SPAG16: variants seen among roughly 807,000 people sequenced by gnomAD.
SPAG16 encodes sperm associated antigen 16.
SPAG16 carries 86 observed loss-of-function variants against 80.4 expected under a neutral mutation model. That is an observed-to-expected ratio of 1.07 (90% CI 0.90 to 1.28). The LOEUF (loss-of-function observed/expected upper bound fraction) is 1.28, where lower values mean the gene tolerates loss of function less well. SPAG16 is among the 50% of genes most tolerant of loss of function. SPAG16 has a pLI of 0.00. For missense variants in SPAG16, 870 were observed against 765.3 expected (o/e 1.14, Z -1.61); for synonymous variants, 294 against 265.9 (o/e 1.11, Z -1.03).
chr2:214,013,693 A>G (rs1167044995), intron 12 of SPAG16, among the ~76,000 whole-genome samples: 3 of 152,218 alleles, frequency 2.0e-5, no homozygotes, highest in Non-Finnish European at 4.4e-5. Flanking sequence ...GTAAAGTATA[A>G]ATGAGATAGT....
intron 9 of SPAG16, among the ~76,000 whole-genome samples, chr2:213,411,599 G>T (rs2125396575): frequency 6.6e-6 from 1 of 152,288 alleles, no homozygotes; most frequent in East Asian, 1.9e-4. Context: ...GGCATTGCAA[G>T]GTCTGACTGC....
intron 1 of SPAG16, chr2:213,285,829 G>A: frequency 9.0e-7 from 1 of 1,109,108 alleles, no homozygotes. Context: ...AGATGTAACA[G>A]GCAGTCTTTT....
At chr2:213,897,270 A>G (rs947497463) in intron 11 of SPAG16, among the ~76,000 whole-genome samples, 4 of 152,166 alleles carry the variant, frequency 2.6e-5, no homozygotes, top group Non-Finnish European at 4.4e-5. Flanking sequence ...ACATTGATGC[A>G]TCTTTGGCTA....
At chr2:213,392,975 C>T (rs1326821049) in intron 9 of SPAG16, among the ~76,000 whole-genome samples, 1 of 151,834 alleles carries the variant, frequency 6.6e-6, no homozygotes, top group Admixed American at 6.6e-5. Flanking sequence ...AAGAATTAAG[C>T]CAACATATTT....
intron 1 of SPAG16, among the ~76,000 whole-genome samples, chr2:213,293,286 C>A (rs2062369802): frequency 6.6e-6 from 1 of 152,110 alleles, no homozygotes; most frequent in Admixed American, 6.5e-5. Flanking sequence ...TATAAATTAC[C>A]CAGTCTTGGG....
intron 10 of SPAG16, among the ~76,000 whole-genome samples, chr2:213,564,074 G>A (rs181923024): frequency 1.8e-4 from 28 of 152,214 alleles, no homozygotes; most frequent in Admixed American, 7.2e-4. Flanking sequence ...TGACTTCCTC[G>A]GGTTAGGTTA....
rs183102555 is a variant in SPAG16, at chr2:214,054,338, C to A, written c.1527+40261C>A. 7.4e-3 allele frequency among the ~76,000 whole-genome samples: 1,123 copies of A among 152,260 alleles called. 15 individuals are homozygous for A. The highest frequency in any genetic ancestry group is 6.9e-3 in the Non-Finnish European group (467 of 68,014). The stretch of plus-strand genomic sequence containing the variant: ...ACTTCCCCGTTTTAAAATTCTAAAA[C>A]CCTATATCTCCTTATGGCTAAATAT... On this transcript the variant is annotated intron_variant, in intron 13 of 15. Transcript: ENST00000331683.
intron 15 of SPAG16, among the ~76,000 whole-genome samples, chr2:214,374,408 G>A (rs991665874): frequency 1.3e-5 from 2 of 152,100 alleles, no homozygotes; most frequent in Non-Finnish European, 2.9e-5. Flanking sequence ...GGAATTTTAG[G>A]AGTTACCAGC....
intron 9 of SPAG16, among the ~76,000 whole-genome samples, chr2:213,403,083 G>C (rs1575493557): frequency 6.6e-6 from 1 of 151,982 alleles, no homozygotes; most frequent in East Asian, 1.9e-4. Context: ...ATCCTCTCCA[G>C]CACCTGTTGT....
chr2:214,250,753 TATATAG>T (rs1553537877), intron 15 of SPAG16, among the ~76,000 whole-genome samples: 2,141 of 99,268 alleles, frequency 0.022, 10 homozygotes, highest in East Asian at 0.055. Context: ...TATATATATA[TATATAG>T]AGAGAGAGAG....
chr2:214,016,027 G>A (rs1489232115), intron 13 of SPAG16, among the ~76,000 whole-genome samples: 1 of 152,012 alleles, frequency 6.6e-6, no homozygotes, highest in Non-Finnish European at 1.5e-5. Flanking sequence ...AGGAGTTCAG[G>A]GTGAGAAACT....
intron 12 of SPAG16, among the ~76,000 whole-genome samples, chr2:213,970,677 A>G (rs1431251132): frequency 6.6e-6 from 1 of 152,224 alleles, no homozygotes; most frequent in Non-Finnish European, 1.5e-5. Context: ...ATACCTTTTT[A>G]GATGAAAGTA....
At chr2:214,198,767 T>A (rs2057921437) in intron 15 of SPAG16, among the ~76,000 whole-genome samples, 1 of 152,104 alleles carries the variant, frequency 6.6e-6, no homozygotes, top group South Asian at 2.1e-4. Flanking sequence ...TGCCAACATC[T>A]ATTTTTTTTA....
At chr2:213,623,931 C>A (rs1367623735) in intron 10 of SPAG16, among the ~76,000 whole-genome samples, 3 of 151,698 alleles carry the variant, frequency 2.0e-5, no homozygotes, top group Non-Finnish European at 4.4e-5. Context: ...GATGCTAATT[C>A]CATCATGATA....
intron 11 of SPAG16, among the ~76,000 whole-genome samples, chr2:213,907,446 C>A (rs2106151403): frequency 6.7e-6 from 1 of 149,706 alleles, no homozygotes; most frequent in East Asian, 2.0e-4. Flanking sequence ...ATTAGTACAG[C>A]CATTTTGGAA....
intron 13 of SPAG16, among the ~76,000 whole-genome samples, chr2:214,041,024 G>T (rs1301111137): frequency 6.6e-6 from 1 of 150,950 alleles, no homozygotes; most frequent in Non-Finnish European, 1.5e-5. Context: ...TTCTTTCTGA[G>T]CCTTTTTGTT....
At chr2:214,342,160 T>C (rs1697747539) in intron 15 of SPAG16, among the ~76,000 whole-genome samples, 1 of 152,178 alleles carries the variant, frequency 6.6e-6, no homozygotes. Flanking sequence ...TAAAAAATAA[T>C]TTATTTGACT....
chr2:214,282,165 A>G lies in SPAG16; in HGVS notation c.1721-127975A>G, dbSNP rs111664421. On this transcript the variant is annotated intron_variant, in intron 15 of 15. Transcript: ENST00000331683. ...TATGTGTACATTTTATTGCAGATCA[A>G]TTATACTTTAACGCTGTTAAAATAT... is the stretch of plus-strand genomic sequence containing the variant. Among the ~76,000 whole-genome samples, 252 of 152,336 alleles carry G rather than the reference A, an allele frequency of 1.7e-3. 2 individuals are homozygous for G. Among genetic ancestry groups the G allele is most frequent in the African/African-American group, 5.4e-3 (226 of 41,580 alleles).
At chr2:214,332,337 G>A (rs1003546843) in intron 15 of SPAG16, among the ~76,000 whole-genome samples, 3 of 152,144 alleles carry the variant, frequency 2.0e-5, no homozygotes, top group Admixed American at 6.6e-5. Context: ...GTGACCCAAC[G>A]TTGGTTTCTT....
Sources: gnomAD v4.1 joint callset for allele counts (sites outside exome capture counted in the v4.1 genomes callset) on GRCh38, gnomAD v4.1.1 for gene constraint, MANE v1.5 for transcripts, NCBI Gene and HGNC (gene_info 2026-07-23, HGNC 2026-07-21) for gene names.